Variants in DBX2 observed in about 807,000 individuals in gnomAD.
DBX2 encodes the protein developing brain homeobox 2.
Under a neutral mutation model 17.7 loss-of-function variants are expected in DBX2, and 16 were observed. The observed-to-expected ratio is 0.90, with a 90% confidence interval of 0.61 to 1.37. The LOEUF (loss-of-function observed/expected upper bound fraction) is 1.37, where lower values mean the gene tolerates loss of function less well. DBX2 is among the 40% of genes most tolerant of loss of function. The pLI, the probability that DBX2 is intolerant of heterozygous loss-of-function variation, is 0.00. For missense variants in DBX2, 538 were observed against 433.8 expected (o/e 1.24, Z -2.13); for synonymous variants, 255 against 183.8 (o/e 1.39, Z -3.13).
intron 1 of DBX2, among the ~76,000 whole-genome samples, chr12:45,048,585 G>A (rs1380310311): frequency 1.3e-5 from 2 of 152,018 alleles, no homozygotes; most frequent in African/African-American, 4.8e-5. Flanking sequence ...AAATAAAACC[G>A]GGGCAATGTT....
intron 1 of DBX2, among the ~76,000 whole-genome samples, chr12:45,036,721 T>C (rs1023966129): frequency 6.6e-6 from 1 of 152,234 alleles, no homozygotes; most frequent in African/African-American, 2.4e-5. Flanking sequence ...TTGAAACATA[T>C]AGTTAGTTGG....
At chr12:45,048,447 C>T (rs928597259) in intron 1 of DBX2, among the ~76,000 whole-genome samples, 1 of 152,082 alleles carries the variant, frequency 6.6e-6, no homozygotes, top group African/African-American at 2.4e-5. Flanking sequence ...CCCAGAACAC[C>T]AAATCACTAT....
At chr12:45,017,626 A>G (rs1430019160) in intron 3 of DBX2, among the ~76,000 whole-genome samples, 1 of 152,182 alleles carries the variant, frequency 6.6e-6, no homozygotes, top group Non-Finnish European at 1.5e-5. Flanking sequence ...AATAACAACT[A>G]ATTGTAATTA....
intron 3 of DBX2, among the ~76,000 whole-genome samples, 184 bp downstream of exon 3, chr12:45,023,523 T>C (rs796764929): frequency 1.8e-4 from 27 of 152,310 alleles, no homozygotes; most frequent in African/African-American, 5.8e-4. Flanking sequence ...GAAAAGCATT[T>C]CAAGAACACC....
intron 2 of DBX2, among the ~76,000 whole-genome samples, chr12:45,031,914 T>A (rs972818100): frequency 2.6e-5 from 4 of 152,102 alleles, no homozygotes; most frequent in African/African-American, 7.2e-5. Context: ...CAGGACTTCA[T>A]AAGCAGCCCT....
Position 45,050,612 on chromosome 12 carries a change from G to T in DBX2, c.316C>A (p.Gln106Lys). ...CTGTCCGCAGAGGGACTGAGCACTT[G>T]AAAAGCCCACCGCGTTCCGTAGGGC... ...GAPYGTRWAF[Q>K]VLSPSADSAR... is the part of the protein sequence containing the mutation. Residue 106 changes from glutamine to lysine, a missense_variant, in exon 1 of 4, where the codon CAA becomes AAA. Transcript: ENST00000332700. 1 of 1,550,796 alleles carries T rather than the reference G, an allele frequency of 6.4e-7. No homozygotes were observed. The highest frequency in any genetic ancestry group is 2.4e-5 in the East Asian group (1 of 40,970).
At chr12:45,025,398 G>A (rs1214517186) in intron 2 of DBX2, among the ~76,000 whole-genome samples, 1 of 152,094 alleles carries the variant, frequency 6.6e-6, no homozygotes, top group Non-Finnish European at 1.5e-5. Context: ...ACCCCTGCTT[G>A]ATTTTAGCCC....
intron 2 of DBX2, among the ~76,000 whole-genome samples, chr12:45,031,223 TGTGAGA>T (rs1443314536): frequency 1.4e-4 from 6 of 44,200 alleles, no homozygotes; most frequent in Admixed American, 4.7e-4. Context: ...TGTGTGTGTG[TGTGAGA>T]GAGAGAGAGA....
chr12:45,021,902 C>T (rs1456505261), intron 3 of DBX2, among the ~76,000 whole-genome samples: 5 of 152,108 alleles, frequency 3.3e-5, no homozygotes, highest in Admixed American at 2.6e-4. Context: ...TGAGCTTCCA[C>T]GGGGTGTGGA....
chr12:45,050,234 CA>C (rs1166579355), intron 1 of DBX2, among the ~76,000 whole-genome samples: 1 of 152,110 alleles, frequency 6.6e-6, no homozygotes, highest in Non-Finnish European at 1.5e-5. Flanking sequence ...CAGAGTTTCC[CA>C]GTTAAGGCCA....
At chr12:45,042,270 G>C (rs913475539) in intron 1 of DBX2, among the ~76,000 whole-genome samples, 2 of 152,160 alleles carry the variant, frequency 1.3e-5, no homozygotes, top group African/African-American at 4.8e-5. Context: ...ACATAAAAAA[G>C]CTGTATTGTG....
At chr12:45,045,165 T>C (rs1410907145) in intron 1 of DBX2, among the ~76,000 whole-genome samples, 1 of 152,190 alleles carries the variant, frequency 6.6e-6, no homozygotes, top group Non-Finnish European at 1.5e-5. Context: ...AGACTCCAGG[T>C]GTATTTGAAC....
At position 45,050,696 on chromosome 12, in the gene DBX2, C is replaced by T. The variant is rs999637600; in HGVS notation, c.232G>A (p.Ala78Thr). The stretch of plus-strand genomic sequence containing the variant: ...CACAGCTTTAGGGGAACTGGGCTAG[C>T]AGGCAGGGGCCGGAGCTGCGCGCCC... ...TAGAQLRPLP[A>T]SPVPLKLCPA... The change falls in exon 1 of 4, where the codon GCT becomes ACT. Residue 78 changes from alanine (A) to threonine (T), a missense_variant. By Grantham distance (58) the Ala-to-Thr change is moderately conservative. Transcript: ENST00000332700. The T allele has an allele frequency of 2.0e-6, 3 of 1,527,866 alleles. No homozygotes were observed. The highest frequency in any genetic ancestry group is 2.9e-5 in the African/African-American group (2 of 69,910). The allele number at this position is 1,527,866 out of a possible 1,614,324, so 94.6% of individuals were successfully genotyped here. A position where few individuals can be genotyped will look rare whatever the true frequency, so the allele number is the denominator to read the frequency against.
At chr12:45,049,161 G>T (rs1457020748) in intron 1 of DBX2, among the ~76,000 whole-genome samples, 1 of 152,128 alleles carries the variant, frequency 6.6e-6, no homozygotes, top group East Asian at 1.9e-4. Context: ...ATTATGATTA[G>T]AAAAAGCTTA....
chr12:45,048,942 A>C (rs1305399643), intron 1 of DBX2, among the ~76,000 whole-genome samples: 1 of 152,206 alleles, frequency 6.6e-6, no homozygotes, highest in Non-Finnish European at 1.5e-5. Flanking sequence ...CACTTTGGTT[A>C]AGTGTACAAG....
chr12:45,026,036 G>A (rs1324367083), intron 2 of DBX2, among the ~76,000 whole-genome samples: 1 of 152,070 alleles, frequency 6.6e-6, no homozygotes, highest in African/African-American at 2.4e-5. Context: ...GTCTTAGCAT[G>A]TTGGTTAAGA....
intron 1 of DBX2, among the ~76,000 whole-genome samples, chr12:45,048,910 A>G (rs934321428): frequency 2.0e-5 from 3 of 152,214 alleles, no homozygotes; most frequent in Admixed American, 2.0e-4. Flanking sequence ...TAATTATTCC[A>G]AAAACAATGT....
intron 1 of DBX2, among the ~76,000 whole-genome samples, chr12:45,043,261 T>C (rs1445521398): frequency 6.6e-6 from 1 of 152,206 alleles, no homozygotes; most frequent in African/African-American, 2.4e-5. Context: ...GGAATGGCCT[T>C]GGTGACTTGC....
At chr12:45,035,976 T>C in intron 2 of DBX2, 43 bp downstream of exon 2, 1 of 1,567,562 alleles carries the variant, frequency 6.4e-7, no homozygotes, top group Non-Finnish European at 8.7e-7. Context: ...AGCTTTGGTT[T>C]ACAGAATAAC....
Sources: gnomAD v4.1 joint callset for allele counts (sites outside exome capture counted in the v4.1 genomes callset) on GRCh38, gnomAD v4.1.1 for gene constraint, MANE v1.5 for transcripts, NCBI Gene and HGNC (gene_info 2026-07-23, HGNC 2026-07-21) for gene names.